ZC3H6: variants seen among roughly 807,000 people sequenced by gnomAD.
ZC3H6 encodes zinc finger CCCH-type containing 6.
In ZC3H6, 40 loss-of-function variants were observed where a neutral mutation model predicts 107.7. The observed-to-expected ratio is 0.37, with a 90% confidence interval of 0.29 to 0.48. The LOEUF is 0.48. Ranked by LOEUF, ZC3H6 falls within the 20% of genes least tolerant of loss-of-function variation. The pLI, the probability that ZC3H6 is intolerant of heterozygous loss-of-function variation, is 0.98. For synonymous variants in ZC3H6, 493 were observed against 487.9 expected (o/e 1.01, Z -0.14); for missense variants, 1,267 against 1,410.4 (o/e 0.90, Z 1.63).
Position 112,338,288 on chromosome 2 carries a change from G to C in ZC3H6, c.*5800G>C, listed in dbSNP as rs1677168978. The C allele has an allele frequency of 6.6e-6, 1 of 152,170 alleles. No individual in the cohort carries two copies. The highest frequency in any genetic ancestry group is 1.5e-5 in the Non-Finnish European group (1 of 68,036). 9.4% of individuals were successfully genotyped at this position (152,170 alleles called of 1,614,324 possible). A position where few individuals can be genotyped will look rare whatever the true frequency, so the allele number is the denominator to read the frequency against. ...AAAATAAATACTTAGTCCTAACCTAGTGAATTATCAATAGCATTTAAAATT... is the reference window on the plus strand; with the variant it reads ...AAAATAAATACTTAGTCCTAACCTACTGAATTATCAATAGCATTTAAAATT... On this transcript the variant is annotated 3_prime_UTR_variant, in exon 12 of 12. Transcript: ENST00000409871.
In ZC3H6 at chr2:112,324,985, T is replaced by A. The variant is rs1676880350; in HGVS notation, c.1874T>A (p.Phe625Tyr). Residue 625 changes from phenylalanine to tyrosine, a missense_variant, in exon 11 of 12, where the codon TTT (phenylalanine) becomes TAT (tyrosine). Physicochemically the swap from Phe to Tyr is conservative, Grantham distance 22. Around this residue, in one of 3 missense-constraint regions of ZC3H6, gnomAD observed 925 missense variants for 1,025.7 expected, o/e 0.90. Coordinates refer to ENST00000409871, the MANE Select transcript of ZC3H6 (RefSeq NM_198581.3). ...GTAGATGGGATGTGGCATGGTGAAT[T>A]TGCCCAGCAGCAGCCTCCTGTTGTT... ...NSGDGMWHGE[F>Y]AQQQPPVVQD... 6 of 1,607,354 alleles carry A rather than the reference T, an allele frequency of 3.7e-6. No homozygotes were observed. In the East Asian group the frequency reaches 1.3e-4, roughly 36 times the overall value.
chr2:112,307,805 G>T (rs749070118), intron 3 of ZC3H6, among the ~76,000 whole-genome samples: 2 of 152,188 alleles, frequency 1.3e-5, no homozygotes, highest in African/African-American at 2.4e-5. Context: ...TAGGGAGGAG[G>T]TAAATGAAAA....
At chr2:112,317,170 C>G in intron 6 of ZC3H6, 51 bp from the exon 7 acceptor site, 1 of 1,021,374 alleles carries the variant, frequency 9.8e-7, no homozygotes, top group South Asian at 2.0e-5. Flanking sequence ...CTTTGTTTCT[C>G]ATTGTTTCTT....
At chr2:112,277,219 A>G (rs574319180) in intron 1 of ZC3H6, among the ~76,000 whole-genome samples, 229 of 152,318 alleles carry the variant, frequency 1.5e-3, no homozygotes, top group African/African-American at 5.2e-3. Context: ...AAATTTTTGG[A>G]AAGTAAAATG....
At chr2:112,289,513 G>A (rs1164988569) in intron 1 of ZC3H6, among the ~76,000 whole-genome samples, 1 of 151,606 alleles carries the variant, frequency 6.6e-6, no homozygotes, top group Non-Finnish European at 1.5e-5. Flanking sequence ...TTTTAGTAGA[G>A]ACGGGGTTTC....
chr2:112,309,933 A>G lies in ZC3H6; in HGVS notation c.385A>G (p.Asn129Asp). The change falls in exon 4 of 12, where the codon AAC becomes GAC. Residue 129 changes from asparagine to aspartate, a missense_variant. Transcript: ENST00000409871. The stretch of plus-strand genomic sequence containing the variant: ...CATAACATCAAAGAAGGGTCAACAT[A>G]ACAAAAAATTTAAAAGTAAAGAATA... ...SYITSKKGQH[N>D]KKFKSKEYDE... The G allele has an allele frequency of 5.0e-6, 8 of 1,599,934 alleles. No homozygotes were observed. The highest frequency in any genetic ancestry group is 6.8e-6 in the Non-Finnish European group (8 of 1,172,526).
At position 112,336,501 on chromosome 2, in the gene ZC3H6, G is replaced by A. The variant is rs1677138242; in HGVS notation, c.*4013G>A. On this transcript the variant is annotated 3_prime_UTR_variant, in exon 12 of 12. Transcript: ENST00000409871. ...ATAATTATAGTTTAAATAAGACTTAGTTTAGGAAATCCAAGTTTTGACATA... is the reference window on the plus strand; with the variant it reads ...ATAATTATAGTTTAAATAAGACTTAATTTAGGAAATCCAAGTTTTGACATA... 1 of 152,164 alleles carries A rather than the reference G, an allele frequency of 6.6e-6. No homozygotes were observed. The allele number at this position is 152,164 out of a possible 1,614,324, so 9.4% of individuals were successfully genotyped here.
At chr2:112,288,370 T>G (rs570992403) in intron 1 of ZC3H6, among the ~76,000 whole-genome samples, 121 of 152,330 alleles carry the variant, frequency 7.9e-4, no homozygotes, top group Non-Finnish European at 1.1e-3. Flanking sequence ...TATTCAGATA[T>G]GTATAGTTCA....
intron 1 of ZC3H6, among the ~76,000 whole-genome samples, chr2:112,293,152 G>A (rs1025917963): frequency 7.2e-5 from 11 of 152,250 alleles, no homozygotes; most frequent in African/African-American, 2.6e-4. Context: ...CTTGCATAGA[G>A]TTCAGCAAAA....
intron 1 of ZC3H6, among the ~76,000 whole-genome samples, chr2:112,276,951 G>T (rs760594804): frequency 6.6e-6 from 1 of 152,058 alleles, no homozygotes; most frequent in African/African-American, 2.4e-5. Context: ...ACTCCTTTGT[G>T]AATAGAAGTA....
intron 3 of ZC3H6, among the ~76,000 whole-genome samples, chr2:112,307,131 A>G (rs1164167952): frequency 6.6e-6 from 1 of 152,160 alleles, no homozygotes; most frequent in Non-Finnish European, 1.5e-5. Flanking sequence ...TTTCTTCCAT[A>G]TATATATTTT....
At chr2:112,280,363 T>C (rs1686504539) in intron 1 of ZC3H6, among the ~76,000 whole-genome samples, 1 of 152,144 alleles carries the variant, frequency 6.6e-6, no homozygotes, top group Admixed American at 6.5e-5. Context: ...TCAGGTTTGA[T>C]GTTGTAAAGC....
rs887530876 is a variant in ZC3H6, at chr2:112,335,904, C to G, written c.*3416C>G. On this transcript the variant is annotated 3_prime_UTR_variant, in exon 12 of 12. Transcript: ENST00000409871. Reference sequence around the variant, plus strand: ...TCAAGATCTGACTTCTCTGCACATTCTATACAGGTTGGATATTGATGGAGG... The same window carrying G: ...TCAAGATCTGACTTCTCTGCACATTGTATACAGGTTGGATATTGATGGAGG... 6.6e-6 allele frequency: 1 copy of G among 152,274 alleles called. No homozygotes were observed. The highest frequency in any genetic ancestry group is 2.1e-4 in the South Asian group (1 of 4,826). The allele number at this position is 152,274 out of a possible 1,614,324, so 9.4% of individuals were successfully genotyped here. A position where few individuals can be genotyped will look rare whatever the true frequency, so the allele number is the denominator to read the frequency against.
intron 1 of ZC3H6, among the ~76,000 whole-genome samples, chr2:112,289,268 G>A (rs1378238259): frequency 1.3e-5 from 2 of 151,012 alleles, no homozygotes; most frequent in Non-Finnish European, 2.9e-5. Flanking sequence ...AAAGTGCTAG[G>A]GTTACAGGCA....
intron 1 of ZC3H6, among the ~76,000 whole-genome samples, chr2:112,286,591 C>T (rs1371341549): frequency 2.0e-5 from 3 of 152,210 alleles, no homozygotes; most frequent in Admixed American, 2.0e-4. Flanking sequence ...GCGCACAACA[C>T]CACGCCCAGC....
intron 11 of ZC3H6, among the ~76,000 whole-genome samples, chr2:112,327,675 T>C (rs1328744867): frequency 6.6e-6 from 1 of 152,164 alleles, no homozygotes; most frequent in African/African-American, 2.4e-5. Flanking sequence ...CCATTTTGAT[T>C]TGATTTTTGT....
In ZC3H6 at chr2:112,331,412, C is replaced by T; in HGVS notation, c.2494C>T (p.Leu832=). The stretch of plus-strand genomic sequence containing the variant: ...TGATGATGAAGATACAGAAAGAGAA[C>T]TGAGAGAAAAAGCTTTCTTAATACC... ...DDDDEDTERE[L]REKAFLIPLD... The change falls in exon 12 of 12, where the codon CTG becomes TTG. Residue 832 remains leucine, a synonymous_variant. Transcript: ENST00000409871. 1 of 1,613,486 alleles carries T rather than the reference C, an allele frequency of 6.2e-7. No individual in the cohort carries two copies. Among genetic ancestry groups the T allele is most frequent in the Non-Finnish European group, 8.5e-7 (1 of 1,179,792 alleles).
At chr2:112,293,903 A>G (rs1326522365) in intron 1 of ZC3H6, among the ~76,000 whole-genome samples, 2 of 152,200 alleles carry the variant, frequency 1.3e-5, no homozygotes, top group South Asian at 2.1e-4. Context: ...ACGGGACCAC[A>G]TGATAGGTAA....
At chr2:112,320,526 T>G (rs1445954558) in intron 7 of ZC3H6, among the ~76,000 whole-genome samples, 1 of 152,174 alleles carries the variant, frequency 6.6e-6, no homozygotes, top group Admixed American at 6.5e-5. Flanking sequence ...CAAATACTCC[T>G]TCCTTTTTAA....
Sources: gnomAD v4.1 joint callset for allele counts (sites outside exome capture counted in the v4.1 genomes callset) on GRCh38, gnomAD v4.1.1 for gene constraint, gnomAD v4.1.1 regional missense constraint, MANE v1.5 for transcripts, NCBI Gene and HGNC (gene_info 2026-07-23, HGNC 2026-07-21) for gene names.